The following PKP4 variants were observed in gnomAD, a reference collection of about 807,000 sequenced individuals.
PKP4 encodes plakophilin-4.
PKP4 carries 90 observed loss-of-function variants against 145.1 expected under a neutral mutation model. That is an observed-to-expected ratio of 0.62 (90% CI 0.52 to 0.74). The LOEUF (loss-of-function observed/expected upper bound fraction) is 0.74. PKP4 is among the 30% of genes least tolerant of loss of function. The pLI is 0.00. For missense variants in PKP4, 1,340 were observed against 1,482.7 expected (o/e 0.90, Z 1.58); for synonymous variants, 563 against 577.2 (o/e 0.98, Z 0.35).
chr2:158,554,091 C>T (rs1024458355), intron 2 of PKP4, among the ~76,000 whole-genome samples: 8 of 152,042 alleles, frequency 5.3e-5, no homozygotes, highest in Non-Finnish European at 1.2e-4. Flanking sequence ...ATTCTCCTTG[C>T]CCCCCGGTTG....
At chr2:158,627,650 A>AATATATATATATATATAT (rs3836167) in intron 7 of PKP4, among the ~76,000 whole-genome samples, 28 of 147,652 alleles carry the variant, frequency 1.9e-4, no homozygotes, top group East Asian at 4.0e-4. Flanking sequence ...AAACTACAGA[A>AATATATATATATATATAT]ATATATATAT....
intron 3 of PKP4, among the ~76,000 whole-genome samples, chr2:158,597,644 C>T (rs751388569): frequency 6.6e-6 from 1 of 152,136 alleles, no homozygotes; most frequent in African/African-American, 2.4e-5. Flanking sequence ...CACCCATGCT[C>T]CATTCATAAA....
At chr2:158,598,762 A>G (rs1159645401) in intron 3 of PKP4, among the ~76,000 whole-genome samples, 1 of 152,208 alleles carries the variant, frequency 6.6e-6, no homozygotes. Context: ...GCAAGACTCC[A>G]ACTCAAAAAA....
At chr2:158,646,111 T>G (rs377279723) in intron 11 of PKP4, among the ~76,000 whole-genome samples, 1 of 152,212 alleles carries the variant, frequency 6.6e-6, no homozygotes, top group African/African-American at 2.4e-5. Flanking sequence ...TCACTTCTAA[T>G]GTAAAACTAA....
In PKP4 at chr2:158,602,736, A is replaced by G. The variant is rs562477377; in HGVS notation, c.246-334A>G. ...CAGCCTTTTTGGTTCTTTTTCATAT[A>G]TATGATACGTATGTGGTTTTCATAT... is the stretch of plus-strand genomic sequence containing the variant. On this transcript the variant is annotated intron_variant, in intron 3 of 21. Transcript: ENST00000389759. Among the ~76,000 whole-genome samples the G allele has an allele frequency of 3.3e-5, 5 of 152,328 alleles. No individual in the cohort carries two copies. The East Asian group carries it at 5.8e-4, about 18-fold the overall frequency.
At chr2:158,590,407 G>A (rs1409885043) in intron 3 of PKP4, among the ~76,000 whole-genome samples, 2 of 143,140 alleles carry the variant, frequency 1.4e-5, no homozygotes, top group Non-Finnish European at 3.0e-5. Flanking sequence ...AAAAATAATA[G>A]CCAGTTATTT....
intron 1 of PKP4, among the ~76,000 whole-genome samples, chr2:158,495,706 T>C (rs2105477759): frequency 6.6e-6 from 1 of 151,246 alleles, no homozygotes; most frequent in East Asian, 2.0e-4. Context: ...TGGTAGTGGG[T>C]GCCTGTAATC....
chr2:158,534,048 C>A (rs2043821125), intron 2 of PKP4, among the ~76,000 whole-genome samples: 1 of 151,866 alleles, frequency 6.6e-6, no homozygotes, highest in South Asian at 2.1e-4. Flanking sequence ...TCCAAAACAA[C>A]ATTATGTGTC....
At chr2:158,611,458 A>C (rs927871221) in intron 4 of PKP4, among the ~76,000 whole-genome samples, 13 of 152,220 alleles carry the variant, frequency 8.5e-5, no homozygotes, top group African/African-American at 2.9e-4. Context: ...TAAAAAATAA[A>C]AATAAAAAAA....
At chr2:158,467,050 T>C (rs6752425) in intron 1 of PKP4, among the ~76,000 whole-genome samples, 137,656 of 152,240 alleles carry the variant, frequency 0.9, 62,351 homozygotes, top group East Asian at 0.97. Context: ...TTAAGAGTAA[T>C]GAAACAAAAT....
At chr2:158,609,105 C>A (rs964101306) in intron 4 of PKP4, among the ~76,000 whole-genome samples, 7 of 152,144 alleles carry the variant, frequency 4.6e-5, no homozygotes, top group Non-Finnish European at 8.8e-5. Context: ...GCATGAGCCA[C>A]TGCACTGGCC....
intron 10 of PKP4, among the ~76,000 whole-genome samples, chr2:158,641,150 A>G (rs1217063598): frequency 6.6e-6 from 1 of 152,158 alleles, no homozygotes; most frequent in East Asian, 1.9e-4. Flanking sequence ...CAGCCTGGCC[A>G]ACATGGTGAA....
In PKP4 at chr2:158,666,416, G is replaced by A; in HGVS notation, c.2581G>A (p.Ala861Thr). The A allele has an allele frequency of 1.3e-6, 2 of 1,594,968 alleles. No individual in the cohort carries two copies. Among genetic ancestry groups the A allele is most frequent in the Non-Finnish European group, 1.7e-6 (2 of 1,173,288 alleles). The change falls in exon 16 of 22, where the codon GCA becomes ACA. Residue 861 changes from alanine (A) to threonine (T), a missense_variant. By Grantham distance (58) the Ala-to-Thr change is moderately conservative (BLOSUM62 0). Coordinates refer to ENST00000389759, the MANE Select transcript of PKP4 (RefSeq NM_003628.6). ...QNLSAGNWKF[A>T]AYIRAAVRKE... ...CCTGCCTTATTTTTCTCACTAGTTT[G>A]CAGCATATATCCGGGCGGCCGTCCG... is the stretch of plus-strand genomic sequence containing the variant.
chr2:158,615,075 T>C (rs1012445347), intron 4 of PKP4, among the ~76,000 whole-genome samples: 4 of 152,098 alleles, frequency 2.6e-5, no homozygotes, highest in Admixed American at 2.6e-4. Context: ...CGTTTCTTTC[T>C]TTTTGATAGT....
intron 9 of PKP4, among the ~76,000 whole-genome samples, chr2:158,639,745 A>T (rs2054118248): frequency 6.6e-6 from 1 of 152,198 alleles, no homozygotes; most frequent in South Asian, 2.1e-4. Flanking sequence ...ATATATACAT[A>T]GCATGATTAT....
At chr2:158,476,717 T>C (rs1006361300) in intron 1 of PKP4, among the ~76,000 whole-genome samples, 1 of 152,154 alleles carries the variant, frequency 6.6e-6, no homozygotes, top group African/African-American at 2.4e-5. Context: ...AAATAGTTTT[T>C]TTTTTTTCTG....
chr2:158,507,177 T>G (rs1187712924), intron 1 of PKP4, among the ~76,000 whole-genome samples: 1 of 152,202 alleles, frequency 6.6e-6, no homozygotes, highest in African/African-American at 2.4e-5. Flanking sequence ...TATTTTGCAG[T>G]GGTGCAGATA....
rs2105977848 is a variant in PKP4 at position 158,661,431 on chromosome 2, C to T, written c.2192C>T (p.Thr731Ile). 5.0e-6 allele frequency: 8 copies of T among 1,610,538 alleles called. No homozygotes were observed. The highest frequency in any genetic ancestry group is 6.8e-6 in the Non-Finnish European group (8 of 1,176,888). Residue 731 changes from threonine to isoleucine, a missense_variant, in exon 13 of 22, where the codon ACA becomes ATA. By Grantham distance (89) the Thr-to-Ile change is moderately conservative. Transcript: ENST00000389759. ...LLYVIHTCVN[T>I]SDYDSKTVEN... is the part of the protein sequence containing the mutation. ...TATGTGATCCACACGTGTGTGAACACATCCGATTACGACAGCAAGGTCAGT... is the reference window on the plus strand; with the variant it reads ...TATGTGATCCACACGTGTGTGAACATATCCGATTACGACAGCAAGGTCAGT...
chr2:158,616,328 AT>A (rs1414690828), intron 4 of PKP4, among the ~76,000 whole-genome samples: 1 of 152,174 alleles, frequency 6.6e-6, no homozygotes, highest in Non-Finnish European at 1.5e-5. Flanking sequence ...CTCTTCCAGA[AT>A]TTGGCTTTGC....
Sources: gnomAD v4.1 joint callset for allele counts (sites outside exome capture counted in the v4.1 genomes callset) on GRCh38, gnomAD v4.1.1 for gene constraint, MANE v1.5 for transcripts, NCBI Gene and HGNC (gene_info 2026-07-23, HGNC 2026-07-21) for gene names.